Variants in TMEM132D observed in about 807,000 individuals in gnomAD.
TMEM132D encodes transmembrane protein 132D.
In TMEM132D, 21 loss-of-function variants were observed where a neutral mutation model predicts 62.3. The observed-to-expected ratio is 0.34, with a 90% CI of 0.24 to 0.49. The LOEUF (loss-of-function observed/expected upper bound fraction) is 0.49, where lower values mean the gene tolerates loss of function less well. TMEM132D is among the 20% of genes least tolerant of loss of function. TMEM132D has a pLI of 0.99. For missense variants in TMEM132D, 1,346 were observed against 1,402.8 expected, an observed-to-expected ratio of 0.96 and a Z score of 0.65; for synonymous variants, 621 against 575.6, an observed-to-expected ratio of 1.08 and a Z score of -1.13.
At chr12:129,641,441 C>A (rs1367304589) in intron 2 of TMEM132D, among the ~76,000 whole-genome samples, 2 of 152,166 alleles carry the variant, frequency 1.3e-5, no homozygotes, top group East Asian at 3.8e-4. Context: ...CACTAAATAC[C>A]GTTGGTGAGC....
intron 2 of TMEM132D, among the ~76,000 whole-genome samples, chr12:129,583,671 G>A (rs879647924): frequency 6.6e-6 from 1 of 152,120 alleles, no homozygotes; most frequent in Non-Finnish European, 1.5e-5. Flanking sequence ...TATGAGGATA[G>A]AGAAAGACCC....
chr12:129,123,655 G>A (rs527468993), intron 5 of TMEM132D, among the ~76,000 whole-genome samples: 4 of 152,214 alleles, frequency 2.6e-5, no homozygotes, highest in Admixed American at 1.3e-4. Context: ...ATTTCTGGGT[G>A]TGTCTGTGAG....
chr12:129,132,868 G>T (rs1280099625), intron 5 of TMEM132D, among the ~76,000 whole-genome samples: 1 of 152,204 alleles, frequency 6.6e-6, no homozygotes. Flanking sequence ...ATATGGAGAT[G>T]AGGAGTCCCT....
At chr12:129,864,546 G>C (rs906468434) in intron 1 of TMEM132D, among the ~76,000 whole-genome samples, 1 of 152,142 alleles carries the variant, frequency 6.6e-6, no homozygotes, top group African/African-American at 2.4e-5. Context: ...CCTGAAGTTT[G>C]GAGGATGTAA....
chr12:129,893,547 T>C (rs1875002782), intron 1 of TMEM132D, among the ~76,000 whole-genome samples: 4 of 152,056 alleles, frequency 2.6e-5, no homozygotes, highest in Non-Finnish European at 5.9e-5. Flanking sequence ...AAAGAAGTCA[T>C]CGCTTTTCCA....
At chr12:129,677,132 C>T (rs926748234) in intron 2 of TMEM132D, among the ~76,000 whole-genome samples, 2 of 152,252 alleles carry the variant, frequency 1.3e-5, no homozygotes, top group Non-Finnish European at 2.9e-5. Flanking sequence ...GGCTGTGACC[C>T]CACCCAAATC....
chr12:129,542,641 T>C (rs2137098834), intron 2 of TMEM132D, among the ~76,000 whole-genome samples: 1 of 152,262 alleles, frequency 6.6e-6, no homozygotes, highest in African/African-American at 2.4e-5. Context: ...AAAATATATG[T>C]ACACCAATGA....
chr12:129,631,654 A>G (rs1879348471), intron 2 of TMEM132D, among the ~76,000 whole-genome samples: 1 of 152,230 alleles, frequency 6.6e-6, no homozygotes. Context: ...GATGCGTCTG[A>G]TAAACCCTTA....
At chr12:129,421,638 C>A (rs754054553) in intron 3 of TMEM132D, among the ~76,000 whole-genome samples, 1 of 152,212 alleles carries the variant, frequency 6.6e-6, no homozygotes, top group Non-Finnish European at 1.5e-5. Flanking sequence ...CCCTGATGTC[C>A]TAATGTTGAC....
chr12:129,288,578 GTTA>G (rs1486853208), intron 4 of TMEM132D, among the ~76,000 whole-genome samples: 1 of 152,204 alleles, frequency 6.6e-6, no homozygotes, highest in Non-Finnish European at 1.5e-5. Context: ...TGTTAGGATG[GTTA>G]TTATTATGAA....
In TMEM132D at chr12:129,316,765, T is replaced by C. The variant is rs35203760; in HGVS notation, c.1299+20869A>G. Among the ~76,000 whole-genome samples, 1,324 of 152,196 alleles carry C rather than the reference T, an allele frequency of 8.7e-3. 8 individuals carry two copies. The highest frequency in any genetic ancestry group is 0.024 in the Middle Eastern group (7 of 294). On this transcript the variant is annotated intron_variant, in intron 4 of 8. Transcript: ENST00000422113. ...GGAGTACTAAAGTCCCCCACTATTATTGTGTTGCTGTCTATCTCATTTCTT... is the reference window on the plus strand; with the variant it reads ...GGAGTACTAAAGTCCCCCACTATTACTGTGTTGCTGTCTATCTCATTTCTT...
At chr12:129,660,188 G>A (rs1880200290) in intron 2 of TMEM132D, among the ~76,000 whole-genome samples, 3 of 152,140 alleles carry the variant, frequency 2.0e-5, no homozygotes, top group African/African-American at 7.2e-5. Flanking sequence ...TCAAATTACT[G>A]TTAGTGATAT....
chr12:129,167,455 T>C (rs1443686214), intron 5 of TMEM132D, among the ~76,000 whole-genome samples: 1 of 152,142 alleles, frequency 6.6e-6, no homozygotes, highest in Non-Finnish European at 1.5e-5. Context: ...AGTCTATTTG[T>C]CTACCAAGTG....
intron 1 of TMEM132D, among the ~76,000 whole-genome samples, chr12:129,841,471 A>C (rs965867229): frequency 6.6e-6 from 1 of 152,162 alleles, no homozygotes. Flanking sequence ...TCAGAAAAAA[A>C]CTTTTCCTCA....
intron 3 of TMEM132D, among the ~76,000 whole-genome samples, chr12:129,390,263 C>T (rs1871256718): frequency 6.6e-6 from 1 of 152,204 alleles, no homozygotes; most frequent in Non-Finnish European, 1.5e-5. Context: ...CTGCTCCACC[C>T]TTCCATTTAC....
At chr12:129,495,308 T>C (rs927575943) in intron 3 of TMEM132D, among the ~76,000 whole-genome samples, 1 of 152,136 alleles carries the variant, frequency 6.6e-6, no homozygotes, top group African/African-American at 2.4e-5. Flanking sequence ...ATCCGAGGTC[T>C]TCCTCCTCAC....
At chr12:129,263,150 G>C (rs1880596894) in intron 4 of TMEM132D, among the ~76,000 whole-genome samples, 1 of 152,090 alleles carries the variant, frequency 6.6e-6, no homozygotes, top group African/African-American at 2.4e-5. Flanking sequence ...CAATCTCTCT[G>C]GGTCAGAGCA....
intron 4 of TMEM132D, among the ~76,000 whole-genome samples, chr12:129,243,918 T>C (rs1183992556): frequency 6.6e-6 from 1 of 152,196 alleles, no homozygotes; most frequent in African/African-American, 2.4e-5. Context: ...CTCATTTTCA[T>C]TGATTTTATT....
rs28615098 is a variant in TMEM132D at position 129,190,521 on chromosome 12, G to A, written c.1443+18999C>T. Among the ~76,000 whole-genome samples, 828 of 85,548 alleles carry A rather than the reference G, an allele frequency of 9.7e-3. 35 individuals carry two copies. The highest frequency in any genetic ancestry group is 0.014 in the Non-Finnish European group (568 of 39,416). The allele number at this position is 85,548 out of a possible 152,430, so 56.1% of individuals were successfully genotyped here. ...AGGGAGGGGTCTCAGGCCTGCAGAT[G>A]GAGGGAGGGGTCTCGGCCTGCAGAT... On this transcript the variant is annotated intron_variant, in intron 5 of 8. Coordinates refer to ENST00000422113, the MANE Select transcript of TMEM132D (RefSeq NM_133448.3).
Sources: gnomAD v4.1 joint callset for allele counts (sites outside exome capture counted in the v4.1 genomes callset) on GRCh38, gnomAD v4.1.1 for gene constraint, MANE v1.5 for transcripts, NCBI Gene and HGNC (gene_info 2026-07-23, HGNC 2026-07-21) for gene names.